The following AFF3 variants were observed in gnomAD, a reference collection of about 807,000 sequenced individuals.
The protein encoded by AFF3 is ALF transcription elongation factor 3, also known as AF4/FMR2 family member 3.
A neutral mutation model predicts 129.7 loss-of-function variants in AFF3; 32 were observed. That is an observed-to-expected ratio of 0.25 (90% CI 0.19 to 0.33). AFF3 has a LOEUF of 0.33. Ranked by LOEUF, AFF3 falls within the 10% of genes least tolerant of loss-of-function variation. AFF3 has a pLI of 1.00. For missense variants in AFF3, 1,373 were observed against 1,592.0 expected (o/e 0.86, Z 2.34); for synonymous variants, 644 against 635.4 (o/e 1.01, Z -0.20).
intron 15 of AFF3, among the ~76,000 whole-genome samples, chr2:99,591,337 C>T (rs1430982672): frequency 1.3e-5 from 2 of 152,058 alleles, no homozygotes; most frequent in East Asian, 3.9e-4. Flanking sequence ...CAGGTGTGCA[C>T]CATCATGTCT....
intron 4 of AFF3, among the ~76,000 whole-genome samples, chr2:100,101,083 T>C (rs1362302262): frequency 2.6e-5 from 4 of 152,114 alleles, no homozygotes; most frequent in Admixed American, 1.3e-4. Flanking sequence ...CTTTAAGGTA[T>C]GGCTGAAAAA....
intron 2 of AFF3, among the ~76,000 whole-genome samples, chr2:100,125,830 G>T (rs1419580746): frequency 1.3e-5 from 2 of 152,102 alleles, no homozygotes; most frequent in Admixed American, 6.5e-5. Context: ...GAGCACAGCA[G>T]GGGGTGGGTG....
intron 11 of AFF3, chr2:99,707,310 GAA>G (rs748294184): frequency 1.0e-6 from 1 of 981,406 alleles, no homozygotes; most frequent in Non-Finnish European, 1.2e-6. Flanking sequence ...AGAGATTAAA[GAA>G]AAAAAAATCA....
chr2:99,774,415 T>C (rs1259994507), intron 8 of AFF3, among the ~76,000 whole-genome samples: 1 of 152,164 alleles, frequency 6.6e-6, no homozygotes, highest in East Asian at 1.9e-4. Flanking sequence ...TGGAACAGAA[T>C]AGAGAACCCA....
chr2:99,986,998 G>T (rs1679931811), intron 7 of AFF3, among the ~76,000 whole-genome samples: 1 of 152,178 alleles, frequency 6.6e-6, no homozygotes, highest in African/African-American at 2.4e-5. Flanking sequence ...GGTCTTTGGT[G>T]AACGAAAAGG....
At chr2:99,693,888 C>T (rs1269060425) in intron 11 of AFF3, among the ~76,000 whole-genome samples, 1 of 152,088 alleles carries the variant, frequency 6.6e-6, no homozygotes, top group East Asian at 1.9e-4. Flanking sequence ...CTAGCCTTTT[C>T]ACTGTAGAAA....
chr2:99,798,760 C>T (rs1006483022), intron 8 of AFF3, among the ~76,000 whole-genome samples: 2 of 151,898 alleles, frequency 1.3e-5, no homozygotes, highest in Admixed American at 6.6e-5. Context: ...AATCTAAATG[C>T]TTATGTGCCT....
intron 9 of AFF3, 95 bp from the exon 10 acceptor site, chr2:99,744,235 C>T (rs548398964): frequency 4.3e-5 from 44 of 1,022,798 alleles, no homozygotes; most frequent in Non-Finnish European, 5.3e-5. Flanking sequence ...CATTCAGAAC[C>T]GATTCATTGC....
At chr2:99,806,594 T>C (rs995910860) in intron 8 of AFF3, among the ~76,000 whole-genome samples, 1 of 152,188 alleles carries the variant, frequency 6.6e-6, no homozygotes, top group East Asian at 1.9e-4. Flanking sequence ...GAACTTGATA[T>C]GACAGAGCAA....
chr2:99,681,863 T>G (rs1674554346), intron 11 of AFF3, among the ~76,000 whole-genome samples: 2 of 152,030 alleles, frequency 1.3e-5, no homozygotes, highest in Admixed American at 1.3e-4. Context: ...ACATCCTAAG[T>G]GAATCTTCTA....
At position 99,709,521 on chromosome 2, in the gene AFF3, T is replaced by C. The variant is rs367658857; in HGVS notation, c.1091+17556A>G. On this transcript the variant is annotated intron_variant, in intron 11 of 24. Transcript: ENST00000672756. Reference sequence around the variant, plus strand: ...TGTCTCCACTTTGATAACTGGGTCATGAGAGAAAAGATTTTTCTCTTGCAG... The same window carrying C: ...TGTCTCCACTTTGATAACTGGGTCACGAGAGAAAAGATTTTTCTCTTGCAG... Among the ~76,000 whole-genome samples the C allele has an allele frequency of 1.3e-4, 20 of 152,280 alleles. 1 individual carries two copies. The South Asian group carries it at 1.7e-3, about 13-fold the overall frequency.
chr2:100,079,707 T>G (rs1688888310), intron 4 of AFF3, among the ~76,000 whole-genome samples: 1 of 152,184 alleles, frequency 6.6e-6, no homozygotes, highest in Non-Finnish European at 1.5e-5. Flanking sequence ...ATAATTTAAA[T>G]TTGTCCTAAT....
chr2:99,635,047 C>G (rs563082509), intron 13 of AFF3, among the ~76,000 whole-genome samples: 1 of 148,022 alleles, frequency 6.8e-6, no homozygotes. Context: ...TCTCTATGTA[C>G]GTGATATATA....
intron 14 of AFF3, among the ~76,000 whole-genome samples, chr2:99,595,394 C>A (rs761959076): frequency 6.6e-6 from 1 of 152,124 alleles, no homozygotes; most frequent in South Asian, 2.1e-4. Context: ...TTCCACCTTT[C>A]GAATTCGTGG....
chr2:99,994,355 AAG>A (rs1680643910), intron 7 of AFF3, among the ~76,000 whole-genome samples: 1 of 152,186 alleles, frequency 6.6e-6, no homozygotes, highest in Non-Finnish European at 1.5e-5. Context: ...AAGAAACAGA[AAG>A]AGAGAGGTAA....
intron 18 of AFF3, among the ~76,000 whole-genome samples, chr2:99,571,550 G>A (rs1429612708): frequency 6.6e-6 from 1 of 152,188 alleles, no homozygotes; most frequent in African/African-American, 2.4e-5. Context: ...ATGTGGGTAA[G>A]TAACACACCT....
At chr2:99,785,545 T>G (rs566617693) in intron 8 of AFF3, among the ~76,000 whole-genome samples, 1 of 152,208 alleles carries the variant, frequency 6.6e-6, no homozygotes, top group Non-Finnish European at 1.5e-5. Context: ...AGGTTCTACA[T>G]GAACAATAAA....
chr2:99,576,099 T>C (rs1676962798), intron 18 of AFF3, among the ~76,000 whole-genome samples: 1 of 151,484 alleles, frequency 6.6e-6, no homozygotes, highest in Non-Finnish European at 1.5e-5. Context: ...GGTAGCACGA[T>C]CTCAGCTTAC....
intron 11 of AFF3, among the ~76,000 whole-genome samples, chr2:99,725,665 G>C (rs112109017): frequency 9.2e-5 from 14 of 152,312 alleles, no homozygotes; most frequent in African/African-American, 3.4e-4. Flanking sequence ...AAGGGAAGGA[G>C]AACTTTAGAA....
Sources: gnomAD v4.1 joint callset for allele counts (sites outside exome capture counted in the v4.1 genomes callset) on GRCh38, gnomAD v4.1.1 for gene constraint, MANE v1.5 for transcripts, NCBI Gene and HGNC (gene_info 2026-07-23, HGNC 2026-07-21) for gene names.